MMP20: variants seen among roughly 807,000 people sequenced by gnomAD.
MMP20 encodes matrix metallopeptidase 20.
Under a neutral mutation model 51.8 loss-of-function variants are expected in MMP20, and 50 were observed. That is an observed-to-expected ratio of 0.97 (90% CI 0.77 to 1.22). The LOEUF (loss-of-function observed/expected upper bound fraction) is 1.22. Among genes scored for constraint, MMP20 ranks in the 50% most tolerant of loss-of-function variants. The pLI, the probability that MMP20 is intolerant of heterozygous loss-of-function variation, is 0.00. For synonymous variants in MMP20, 244 were observed against 216.2 expected, an observed-to-expected ratio of 1.13 and a Z score of -1.13; for missense variants, 663 against 601.4, an observed-to-expected ratio of 1.10 and a Z score of -1.07.
intron 1 of MMP20, among the ~76,000 whole-genome samples, chr11:102,620,204 A>G (rs1296104517): frequency 6.6e-6 from 1 of 152,118 alleles, no homozygotes; most frequent in Non-Finnish European, 1.5e-5. Flanking sequence ...TTAATGTTTG[A>G]GCTCTTTTTC....
Position 102,616,911 on chromosome 11 carries a change from A to G in MMP20, c.275T>C (p.Met92Thr). 1 of 1,614,208 alleles carries G rather than the reference A, an allele frequency of 6.2e-7. No individual in the cohort carries two copies. The highest frequency in any genetic ancestry group is 1.3e-5 in the African/African-American group (1 of 75,050). The change falls in exon 2 of 10, where the codon ATG (methionine) becomes ACG (threonine). Residue 92 changes from methionine (M) to threonine (T), a missense_variant. By Grantham distance (81) the Met-to-Thr change is moderately conservative. Transcript: ENST00000260228. ...ACAGCGAGGCTTCTTGATCACGTTC[A>G]TTGTGGTCTGGTCTAACTTCCCGGT... ...QVTGKLDQTT[M>T]NVIKKPRCGV...
chr11:102,607,856 A>G (rs1859539235), intron 5 of MMP20: 1 of 152,096 alleles, frequency 6.6e-6, no homozygotes, highest in Admixed American at 6.5e-5. Flanking sequence ...CCATTGGAAC[A>G]CTGCCACCAA....
intron 8 of MMP20, among the ~76,000 whole-genome samples, chr11:102,580,487 T>C (rs1332844234): frequency 6.6e-6 from 1 of 152,212 alleles, no homozygotes; most frequent in East Asian, 1.9e-4. Context: ...CAGGGATAAC[T>C]CTCTAGTGAT....
chr11:102,594,624 T>C lies in MMP20; in HGVS notation c.1087A>G (p.Lys363Glu). 2 of 1,613,706 alleles carry C rather than the reference T, an allele frequency of 1.2e-6. No individual in the cohort carries two copies. Among genetic ancestry groups the C allele is most frequent in the Non-Finnish European group, 1.7e-6 (2 of 1,179,946 alleles). Residue 363 changes from lysine (K) to glutamate (E), a missense_variant, in exon 7 of 10, where the codon AAA becomes GAA. Lys to Glu is a moderately conservative substitution (Grantham distance 56). Coordinates refer to ENST00000260228, the MANE Select transcript of MMP20 (RefSeq NM_004771.4). Reference protein sequence around the residue: ...VAERGTAYFFKGPHYWITRGF... With the variant: ...VAERGTAYFFEGPHYWITRGF... ...CTTTGAGGGATCTGTAGGGTACCTTTGAAGAAGTAAGCAGTGCCCCTCTCA... is the reference window on the plus strand; with the variant it reads ...CTTTGAGGGATCTGTAGGGTACCTTCGAAGAAGTAAGCAGTGCCCCTCTCA...
chr11:102,611,007 CCTT>C (rs138770640), intron 3 of MMP20, among the ~76,000 whole-genome samples: 3,105 of 152,262 alleles, frequency 0.02, 113 homozygotes, highest in African/African-American at 0.071. Context: ...CCAGGGGTGG[CCTT>C]TCTCTTCTGG....
intron 8 of MMP20, among the ~76,000 whole-genome samples, chr11:102,579,660 A>G (rs1178381142): frequency 1.3e-5 from 2 of 152,040 alleles, no homozygotes; most frequent in African/African-American, 4.8e-5. Flanking sequence ...GAGATTATAG[A>G]CCTTTATCAC....
intron 6 of MMP20, among the ~76,000 whole-genome samples, chr11:102,604,999 G>A (rs928077766): frequency 3.9e-5 from 6 of 152,156 alleles, no homozygotes; most frequent in African/African-American, 9.7e-5. Context: ...AAATTCCTAT[G>A]CTGAAGCCTT....
chr11:102,590,513 C>T (rs577434975), intron 8 of MMP20, among the ~76,000 whole-genome samples: 30 of 152,292 alleles, frequency 2.0e-4, no homozygotes, highest in South Asian at 4.1e-4. Flanking sequence ...GGAAGTTCCT[C>T]GGTCATTTCC....
At chr11:102,582,514 T>C (rs778789109) in intron 8 of MMP20, among the ~76,000 whole-genome samples, 1 of 152,172 alleles carries the variant, frequency 6.6e-6, no homozygotes, top group Non-Finnish European at 1.5e-5. Flanking sequence ...ATCACATGAC[T>C]TTCATGAATG....
intron 8 of MMP20, among the ~76,000 whole-genome samples, chr11:102,592,933 C>T (rs1033670211): frequency 6.6e-6 from 1 of 152,196 alleles, no homozygotes; most frequent in African/African-American, 2.4e-5. Context: ...TATATGTTTT[C>T]CTTTGGATAA....
chr11:102,606,884 C>T, intron 5 of MMP20: 2 of 582,940 alleles, frequency 3.4e-6, no homozygotes, highest in South Asian at 1.9e-5. Context: ...TTGCAAGCCT[C>T]AGCTTCCTCA....
chr11:102,616,345 A>G (rs1859669938), intron 2 of MMP20, among the ~76,000 whole-genome samples: 1 of 152,136 alleles, frequency 6.6e-6, no homozygotes, highest in African/African-American at 2.4e-5. Flanking sequence ...TCCTTAAAGG[A>G]CTGTGAGTTC....
chr11:102,619,279 G>A (rs190136444), intron 1 of MMP20, among the ~76,000 whole-genome samples: 1 of 152,122 alleles, frequency 6.6e-6, no homozygotes, highest in Non-Finnish European at 1.5e-5. Context: ...CTGTGTCTCT[G>A]AGATCATTGA....
chr11:102,609,100 T>G lies in MMP20; in HGVS notation c.650-2A>C. 6.2e-7 allele frequency: 1 copy of G among 1,614,108 alleles called. No homozygotes were observed. On this transcript the variant is annotated splice_acceptor_variant, in intron 4 of 9. Coordinates refer to ENST00000260228, the MANE Select transcript of MMP20 (RefSeq NM_004771.4). LOFTEE classifies it high-confidence loss of function. ...CAGCAACGGTAAACAAATTAAAACC[T>G]AGACAATATGAGAGAGAAAAAAACA...
At chr11:102,607,826 T>C (rs1784421) in intron 5 of MMP20, 58,269 of 151,790 alleles carry the variant, frequency 0.38, 12,111 homozygotes, top group South Asian at 0.58. Context: ...CCCTTCTCGG[T>C]GGCCCACAGG....
At chr11:102,612,683 GT>G (rs1017651368) in intron 2 of MMP20, among the ~76,000 whole-genome samples, 19 of 147,090 alleles carry the variant, frequency 1.3e-4, no homozygotes, top group Admixed American at 8.7e-4. Flanking sequence ...ATTGGGGAAG[GT>G]TTTTTTTTCC....
At chr11:102,609,272 C>G (rs1859562228) in intron 4 of MMP20, among the ~76,000 whole-genome samples, 174 bp from the exon 5 acceptor site, 1 of 152,138 alleles carries the variant, frequency 6.6e-6, no homozygotes. Context: ...GACTTTAATT[C>G]TTCCCCCCTT....
chr11:102,581,999 A>T (rs2135928106), intron 8 of MMP20, among the ~76,000 whole-genome samples: 1 of 152,246 alleles, frequency 6.6e-6, no homozygotes, highest in South Asian at 2.1e-4. Context: ...GATCTGAATT[A>T]TGTTTATTTC....
intron 6 of MMP20, 85 bp downstream of exon 6, chr11:102,606,450 G>A: frequency 6.5e-7 from 1 of 1,540,426 alleles, no homozygotes; most frequent in Non-Finnish European, 8.9e-7. Flanking sequence ...CTTCATACAA[G>A]GCAGCAACAA....
Sources: allele counts gnomAD v4.1 joint callset (sites outside exome capture counted in the v4.1 genomes callset), GRCh38; gene constraint gnomAD v4.1.1; transcripts MANE v1.5; gene names NCBI Gene and HGNC (gene_info 2026-07-23, HGNC 2026-07-21).